Variants in OSBP2 observed in about 807,000 individuals in gnomAD.
OSBP2 encodes the protein oxysterol binding protein 2, also known as oxysterol-binding protein 2.
In OSBP2, 66 loss-of-function variants were observed where a neutral mutation model predicts 96.0. The ratio of observed to expected loss-of-function variants is 0.69; its 90% CI spans 0.56 to 0.84. The LOEUF is 0.84. OSBP2 is among the 40% of genes least tolerant of loss of function. The pLI is 0.00. For synonymous variants in OSBP2, 525 were observed against 520.9 expected, an observed-to-expected ratio of 1.01 and a Z score of -0.11; for missense variants, 1,038 against 1,222.7, an observed-to-expected ratio of 0.85 and a Z score of 2.25.
At chr22:30,766,430 C>A (rs2090270063) in intron 2 of OSBP2, among the ~76,000 whole-genome samples, 1 of 152,178 alleles carries the variant, frequency 6.6e-6, no homozygotes, top group South Asian at 2.1e-4. Flanking sequence ...GCTTTTTGAA[C>A]AAATAAACAT....
At chr22:30,717,611 T>C (rs1354891327) in intron 1 of OSBP2, among the ~76,000 whole-genome samples, 1 of 152,200 alleles carries the variant, frequency 6.6e-6, no homozygotes, top group Non-Finnish European at 1.5e-5. Flanking sequence ...AAAAGAATGA[T>C]TGCCATAGCC....
chr22:30,893,463 G>T lies in OSBP2; in HGVS notation c.1991G>T (p.Gly664Val). 1 of 1,613,486 alleles carries T rather than the reference G, an allele frequency of 6.2e-7. No individual in the cohort carries two copies. The highest frequency in any genetic ancestry group is 8.5e-7 in the Non-Finnish European group (1 of 1,179,398). ...RGKYISIMPL[G>V]AIHLEFQASG... ...CCTCTGACCTGTCCCCTGCCTCCAG[G>T]TGCCATCCACTTAGAATTCCAGGCC... is the stretch of plus-strand genomic sequence containing the variant. The change falls in exon 10 of 14, where the codon GGT (glycine) becomes GTT (valine). Residue 664 changes from glycine to valine, a missense_variant and splice_region_variant. By Grantham distance (109) the Gly-to-Val change is moderately radical. Around this residue, in one of 3 missense-constraint regions of OSBP2, gnomAD observed 737 missense variants for 913.3 expected, o/e 0.81. Coordinates refer to ENST00000332585, the MANE Select transcript of OSBP2 (RefSeq NM_030758.4).
chr22:30,751,199 A>G (rs1214291359), intron 2 of OSBP2, among the ~76,000 whole-genome samples: 1 of 152,158 alleles, frequency 6.6e-6, no homozygotes, highest in Non-Finnish European at 1.5e-5. Context: ...CCTAAAATGT[A>G]TAAAATCAAA....
intron 2 of OSBP2, among the ~76,000 whole-genome samples, chr22:30,863,618 G>A (rs184243368): frequency 6.6e-6 from 1 of 152,322 alleles, no homozygotes; most frequent in African/African-American, 2.4e-5. Context: ...GTCATGGGCT[G>A]GAAAGTTGCC....
At chr22:30,784,774 C>T (rs1294849732) in intron 2 of OSBP2, among the ~76,000 whole-genome samples, 2 of 146,762 alleles carry the variant, frequency 1.4e-5, no homozygotes, top group Non-Finnish European at 3.0e-5. Context: ...ATAAATCCTC[C>T]TCATTTTTTT....
rs1252598416 is a variant in OSBP2 at position 30,890,004 on chromosome 22, AGCCATCCCTGGT to A, written c.1623+377_1623+388del. Among the ~76,000 whole-genome samples, 1 of 152,120 alleles carries A rather than the reference AGCCATCCCTGGT, an allele frequency of 6.6e-6. No individual in the cohort carries two copies. Among genetic ancestry groups the A allele is most frequent in the Non-Finnish European group, 1.5e-5 (1 of 68,014 alleles). The stretch of plus-strand genomic sequence containing the variant: ...AGGGGTGGGCCCTCCTTCAGCTGGC[AGCCATCCCTGGT>A]GCCATCCCCAGGAAATGCAGGCTCA... On this transcript the variant is annotated intron_variant, in intron 7 of 13. Coordinates refer to ENST00000332585, the MANE Select transcript of OSBP2 (RefSeq NM_030758.4). This position sits in a 1 kb window ranked among gnomAD's most constrained non-coding sequence, Gnocchi z 4.4.
chr22:30,844,055 T>A (rs368741230), intron 2 of OSBP2, among the ~76,000 whole-genome samples: 1 of 152,054 alleles, frequency 6.6e-6, no homozygotes, highest in Non-Finnish European at 1.5e-5. Context: ...TTGTATTTTT[T>A]GTAGACACAG....
intron 2 of OSBP2, among the ~76,000 whole-genome samples, chr22:30,861,161 T>A (rs1270545163): frequency 6.6e-6 from 1 of 152,122 alleles, no homozygotes; most frequent in Non-Finnish European, 1.5e-5. Context: ...GGAAGTGATT[T>A]CCCCTGAGAA....
chr22:30,841,951 AT>A (rs542840823), intron 2 of OSBP2, among the ~76,000 whole-genome samples: 2,098 of 147,770 alleles, frequency 0.014, 24 homozygotes, highest in Middle Eastern at 0.045. Context: ...GTCTCAAACA[AT>A]TTTTTTTTTT....
rs1267173072 is a variant in OSBP2, at chr22:30,894,018, G to C, written c.2375+17G>C. 1 of 1,578,682 alleles carries C rather than the reference G, an allele frequency of 6.3e-7. No homozygotes were observed. ...CCCGCTGCCGTGAGTAGGGCTGGCAGGGGCCCCGCCACAGGCAAAGGAGAG... is the reference window on the plus strand; with the variant it reads ...CCCGCTGCCGTGAGTAGGGCTGGCACGGGCCCCGCCACAGGCAAAGGAGAG... On this transcript the variant is annotated intron_variant, in intron 12 of 13. Transcript: ENST00000332585.
Position 30,893,994 on chromosome 22 carries a change from C to G in OSBP2, c.2368C>G (p.Pro790Ala). 1 of 1,592,766 alleles carries G rather than the reference C, an allele frequency of 6.3e-7. No individual in the cohort carries two copies. The highest frequency in any genetic ancestry group is 8.5e-7 in the Non-Finnish European group (1 of 1,170,296). The change falls in exon 12 of 14, where the codon CCG becomes GCG. Residue 790 changes from proline (P) to alanine (A), a missense_variant. This residue lies in a region of OSBP2 where 737 missense variants were observed against 913.3 expected (regional missense o/e 0.81). Transcript: ENST00000332585. Reference sequence around the variant, plus strand: ...AGCCAAGCTGCTGTGGAAGAAGTACCCGCTGCCGTGAGTAGGGCTGGCAGG... The same window carrying G: ...AGCCAAGCTGCTGTGGAAGAAGTACGCGCTGCCGTGAGTAGGGCTGGCAGG... ...LSAKLLWKKY[P>A]LPENAENMYY...
intron 3 of OSBP2, among the ~76,000 whole-genome samples, chr22:30,883,387 C>T (rs978206329): frequency 1.3e-5 from 2 of 152,364 alleles, no homozygotes; most frequent in Admixed American, 6.5e-5. Flanking sequence ...TGAAGCAGCA[C>T]CCAGGGAGAT....
At chr22:30,858,425 T>C (rs910875810) in intron 2 of OSBP2, among the ~76,000 whole-genome samples, 82 of 150,618 alleles carry the variant, frequency 5.4e-4, no homozygotes, top group East Asian at 3.4e-3. Context: ...GGATTACAGG[T>C]GTGAGCCACC....
chr22:30,714,911 C>T (rs1032346357), intron 1 of OSBP2, among the ~76,000 whole-genome samples: 1 of 152,182 alleles, frequency 6.6e-6, no homozygotes, highest in African/African-American at 2.4e-5. Context: ...CCACCACGCC[C>T]AGCCTTCTGT....
At chr22:30,778,085 C>T (rs146331366) in intron 2 of OSBP2, among the ~76,000 whole-genome samples, 1 of 151,534 alleles carries the variant, frequency 6.6e-6, no homozygotes, top group Non-Finnish European at 1.5e-5. Flanking sequence ...AACTCTGCCT[C>T]CCGGGTTCAA....
intron 2 of OSBP2, among the ~76,000 whole-genome samples, chr22:30,839,634 G>T (rs1187578956): frequency 6.6e-6 from 1 of 152,008 alleles, no homozygotes; most frequent in Non-Finnish European, 1.5e-5. Flanking sequence ...TCTTTTGGCT[G>T]CATAAATGTC....
At chr22:30,817,098 T>G (rs2091092366) in intron 2 of OSBP2, among the ~76,000 whole-genome samples, 1 of 152,318 alleles carries the variant, frequency 6.6e-6, no homozygotes, top group Middle Eastern at 3.4e-3. Flanking sequence ...CCTTGGAAGT[T>G]TTTTAATTGC....
intron 2 of OSBP2, among the ~76,000 whole-genome samples, chr22:30,789,768 A>T (rs984237581): frequency 6.6e-6 from 1 of 152,198 alleles, no homozygotes; most frequent in Non-Finnish European, 1.5e-5. Context: ...GACAGACTTC[A>T]ATTCCAGCCC....
At chr22:30,700,348 GT>G (rs2089136533) in intron 1 of OSBP2, among the ~76,000 whole-genome samples, 1 of 151,882 alleles carries the variant, frequency 6.6e-6, no homozygotes, top group Non-Finnish European at 1.5e-5. Context: ...TAGGAATATG[GT>G]TTTTTGTTCA....
Sources: allele counts gnomAD v4.1 joint callset (sites outside exome capture counted in the v4.1 genomes callset), GRCh38; gene constraint gnomAD v4.1.1; regional missense constraint gnomAD v4.1.1; non-coding constraint Gnocchi (gnomAD v3.1); transcripts MANE v1.5; gene names NCBI Gene and HGNC (gene_info 2026-07-23, HGNC 2026-07-21).